The following MFSD1 variants were observed in gnomAD, a reference collection of about 807,000 sequenced individuals.
MFSD1 encodes the protein major facilitator superfamily domain containing 1.
MFSD1 carries 59 observed loss-of-function variants against 67.1 expected under a neutral mutation model. The observed-to-expected ratio is 0.88, with a 90% CI of 0.71 to 1.09. MFSD1 has a LOEUF of 1.09. Among genes scored for constraint, MFSD1 ranks in the 50% least tolerant of loss-of-function variants. The probability of loss-of-function intolerance (pLI) is 0.00; values close to 1 mark genes in which losing one functional copy is unlikely to be tolerated. For missense variants in MFSD1, 552 were observed against 566.1 expected (o/e 0.97, Z 0.25); for synonymous variants, 213 against 200.3 (o/e 1.06, Z -0.54).
chr3:158,805,271 C>T, intron 2 of MFSD1, 91 bp from the exon 3 acceptor site: 1 of 1,024,690 alleles, frequency 9.8e-7, no homozygotes, highest in South Asian at 1.3e-5. Flanking sequence ...AAGAATGTAA[C>T]TACTTTCCAC....
At chr3:158,812,498 C>G (rs1202899752) in intron 6 of MFSD1, among the ~76,000 whole-genome samples, 1 of 152,114 alleles carries the variant, frequency 6.6e-6, no homozygotes, top group Non-Finnish European at 1.5e-5. Flanking sequence ...TCTAAGAAGC[C>G]CCTGAGATTC....
At chr3:158,814,668 A>G (rs1730224326) in intron 7 of MFSD1, among the ~76,000 whole-genome samples, 2 of 152,206 alleles carry the variant, frequency 1.3e-5, no homozygotes, top group Non-Finnish European at 2.9e-5. Flanking sequence ...ATACAAAGAG[A>G]TCATGTAAAT....
intron 1 of MFSD1, 91 bp from the exon 2 acceptor site, chr3:158,804,228 A>AT (rs1356574380): frequency 1.2e-6 from 1 of 825,892 alleles, no homozygotes; most frequent in Non-Finnish European, 1.9e-6. Flanking sequence ...CCGTAGTATC[A>AT]GCATTTAAAA....
intron 4 of MFSD1, 119 bp downstream of exon 4, chr3:158,807,201 A>C (rs1729773755): frequency 9.8e-7 from 1 of 1,018,764 alleles, no homozygotes; most frequent in Non-Finnish European, 1.5e-6. Flanking sequence ...AGAACCCATA[A>C]ATGCCCATGT....
rs1731197015 is a variant in MFSD1, at chr3:158,829,421, GC to G, written c.*441del. The G allele has an allele frequency of 6.5e-6, 1 of 152,904 alleles. No individual in the cohort carries two copies. The highest frequency in any genetic ancestry group is 2.4e-5 in the African/African-American group (1 of 41,486). 9.5% of individuals were successfully genotyped at this position (152,904 alleles called of 1,614,324 possible). A position where few individuals can be genotyped will look rare whatever the true frequency, so the allele number is the denominator to read the frequency against. ...AAAATAAACAATGGCATTGTCATAG[GC>G]CTTCCTTTTACTAGTAGGGCATAAT... On this transcript the variant is annotated 3_prime_UTR_variant, in exon 16 of 16. Coordinates refer to ENST00000415822, the MANE Select transcript of MFSD1 (RefSeq NM_022736.4).
chr3:158,828,903 G>T, intron 15 of MFSD1, 76 bp from the exon 16 acceptor site: 3 of 1,490,100 alleles, frequency 2.0e-6, no homozygotes, highest in South Asian at 2.6e-5. Context: ...GTAATGCTTG[G>T]TTTTCATTTT....
Position 158,821,280 on chromosome 3 carries a change from C to T in MFSD1, c.864-317C>T, listed in dbSNP as rs377168383. Among the ~76,000 whole-genome samples, 8 of 152,254 alleles carry T rather than the reference C, an allele frequency of 5.3e-5. No homozygotes were observed. In the South Asian group the frequency reaches 8.3e-4, roughly 16 times the overall value. ...CCCTGTTTATTATTTAGCAAAGAAC[C>T]CATTCAGTACTGCTTTTAAGGAAAA... is the stretch of plus-strand genomic sequence containing the variant. On this transcript the variant is annotated intron_variant, in intron 9 of 15. Transcript: ENST00000415822.
chr3:158,803,265 A>G (rs1729549868), intron 1 of MFSD1, among the ~76,000 whole-genome samples: 1 of 152,206 alleles, frequency 6.6e-6, no homozygotes, highest in African/African-American at 2.4e-5. Context: ...CAGCAGGTTT[A>G]AGAACATTAT....
chr3:158,824,993 A>T (rs2108235805), intron 13 of MFSD1, among the ~76,000 whole-genome samples: 1 of 152,330 alleles, frequency 6.6e-6, no homozygotes, highest in African/African-American at 2.4e-5. Flanking sequence ...ATAAATGTTT[A>T]AAAAAGTGGG....
chr3:158,810,642 G>T (rs1022241198), intron 6 of MFSD1, among the ~76,000 whole-genome samples: 3 of 152,150 alleles, frequency 2.0e-5, no homozygotes, highest in Non-Finnish European at 4.4e-5. Flanking sequence ...CAGGGTATTT[G>T]TTAGGTCATC....
chr3:158,828,921 AG>A lies in MFSD1; in HGVS notation c.1395-56del. ...ATGCTTGGTTTTCATTTTATAAGGC[AG>A]GTGAGCTTCATGTTTTTTTCTTCCT... On this transcript the variant is annotated intron_variant, in intron 15 of 15. Transcript: ENST00000415822. The A allele has an allele frequency of 7.7e-6, 12 of 1,565,522 alleles. No individual in the cohort carries two copies. The South Asian group carries it at 1.3e-4, about 17-fold the overall frequency.
rs369613692 is a variant in MFSD1 at position 158,802,228 on chromosome 3, G to A, written c.76G>A (p.Ala26Thr). 6.2e-6 allele frequency: 10 copies of A among 1,610,388 alleles called. No individual in the cohort carries two copies. The highest frequency in any genetic ancestry group is 2.7e-5 in the African/African-American group (2 of 74,842). The change falls in exon 1 of 16, where the codon GCC (alanine) becomes ACC (threonine). Residue 26 changes from alanine to threonine, a missense_variant. Coordinates refer to ENST00000415822, the MANE Select transcript of MFSD1 (RefSeq NM_022736.4). The stretch of plus-strand genomic sequence containing the variant: ...CGAGGCCGACAGAGGTGCCCCGGCC[G>A]CCCCTGGAGCCCTGCCGGCCCTCTG... ...PDEADRGAPAAPGALPALCDP... is the reference protein window; with the variant it reads ...PDEADRGAPATPGALPALCDP...
At chr3:158,824,334 C>A in intron 13 of MFSD1, 98 bp downstream of exon 13, 1 of 825,930 alleles carries the variant, frequency 1.2e-6, no homozygotes, top group Non-Finnish European at 1.9e-6. Flanking sequence ...CTAATTCTCA[C>A]CTGTGAATTA....
chr3:158,810,320 T>A (rs1729938296), intron 6 of MFSD1, among the ~76,000 whole-genome samples: 2 of 152,148 alleles, frequency 1.3e-5, no homozygotes, highest in South Asian at 4.1e-4. Flanking sequence ...AAAAAAAAAT[T>A]TTTTTTGCCA....
chr3:158,815,161 A>G (rs1352457862), intron 7 of MFSD1, among the ~76,000 whole-genome samples: 3 of 152,204 alleles, frequency 2.0e-5, no homozygotes, highest in African/African-American at 7.2e-5. Context: ...GCTTCCTTTT[A>G]ATCAAATACT....
chr3:158,818,943 C>T (rs1043086889), intron 7 of MFSD1, among the ~76,000 whole-genome samples: 29 of 152,182 alleles, frequency 1.9e-4, no homozygotes, highest in Non-Finnish European at 2.9e-4. Flanking sequence ...TGATTCAGCT[C>T]GTTAGAGCTC....
chr3:158,813,856 C>T, intron 6 of MFSD1, 109 bp from the exon 7 acceptor site: 1 of 564,292 alleles, frequency 1.8e-6, no homozygotes. Flanking sequence ...AAATTACCTC[C>T]TGTTCAATTT....
In MFSD1 at chr3:158,814,078, C is replaced by T. The variant is rs1730183593; in HGVS notation, c.652+11C>T. On this transcript the variant is annotated intron_variant, in intron 7 of 15. Transcript: ENST00000415822. ...TCACACTTATGATTGGTGAGTGAATCCCATGTCCCACATCTCTCCTCTTCT... is the reference window on the plus strand; with the variant it reads ...TCACACTTATGATTGGTGAGTGAATTCCATGTCCCACATCTCTCCTCTTCT... 2 of 1,592,550 alleles carry T rather than the reference C, an allele frequency of 1.3e-6. No individual in the cohort carries two copies. Among genetic ancestry groups the T allele is most frequent in the African/African-American group, 1.3e-5 (1 of 74,318 alleles).
intron 6 of MFSD1, among the ~76,000 whole-genome samples, chr3:158,810,710 C>T (rs979271077): frequency 1.3e-5 from 2 of 152,166 alleles, no homozygotes; most frequent in African/African-American, 4.8e-5. Context: ...ACATCCCCAC[C>T]TGTGGGATAT....
Sources: gnomAD v4.1 joint callset for allele counts (sites outside exome capture counted in the v4.1 genomes callset) on GRCh38, gnomAD v4.1.1 for gene constraint, MANE v1.5 for transcripts, NCBI Gene and HGNC (gene_info 2026-07-23, HGNC 2026-07-21) for gene names.